EYS: variants seen among roughly 807,000 people sequenced by gnomAD.
EYS encodes the protein protein eyes shut homolog.
EYS carries 250 observed loss-of-function variants against 282.1 expected under a neutral mutation model. The ratio of observed to expected loss-of-function variants is 0.89; its 90% CI spans 0.80 to 0.98. EYS has a LOEUF of 0.98. Ranked by LOEUF, EYS falls within the 50% of genes least tolerant of loss-of-function variation. The probability of loss-of-function intolerance (pLI) is 0.00; values close to 1 mark genes in which losing one functional copy is unlikely to be tolerated. For synonymous variants in EYS, 1,355 were observed against 1,282.9 expected, an observed-to-expected ratio of 1.06 and a Z score of -1.20; for missense variants, 4,016 against 3,709.0, an observed-to-expected ratio of 1.08 and a Z score of -2.15.
At chr6:63,723,428 T>G (rs1351649722) in intron 42 of EYS, among the ~76,000 whole-genome samples, 3 of 152,202 alleles carry the variant, frequency 2.0e-5, no homozygotes, top group Non-Finnish European at 4.4e-5. Flanking sequence ...AGTTATCTTT[T>G]GCAAGATTAT....
chr6:64,506,860 G>A (rs1239327377), intron 26 of EYS, among the ~76,000 whole-genome samples: 1 of 141,708 alleles, frequency 7.1e-6, no homozygotes, highest in Non-Finnish European at 1.5e-5. Flanking sequence ...AGTGAGCTAA[G>A]ATCGCGCCGC....
intron 7 of EYS, among the ~76,000 whole-genome samples, chr6:65,401,411 T>C (rs1430806979): frequency 4.6e-5 from 7 of 151,292 alleles, no homozygotes; most frequent in Non-Finnish European, 5.9e-5. Flanking sequence ...TTTTTTTAAG[T>C]TGATCACTTT....
rs370179540 is a variant in EYS at position 64,208,636 on chromosome 6, T to C, written c.6424+21956A>G. Among the ~76,000 whole-genome samples the C allele has an allele frequency of 5.6e-4, 86 of 152,264 alleles. 2 individuals are homozygous for C. The East Asian group carries it at 0.011, about 20-fold the overall frequency. The stretch of plus-strand genomic sequence containing the variant: ...GTATAAAATGTAAATATTTTAGAAA[T>C]CCAAAATGAATGATTATGGTGTGTG... On this transcript the variant is annotated intron_variant, in intron 31 of 42. Transcript: ENST00000503581.
At chr6:65,478,916 C>T (rs1765501914) in intron 5 of EYS, among the ~76,000 whole-genome samples, 1 of 152,120 alleles carries the variant, frequency 6.6e-6, no homozygotes, top group South Asian at 2.1e-4. Context: ...CAGAAATCTG[C>T]ACAAAGTCCT....
chr6:64,381,661 C>G (rs941695137), intron 29 of EYS, among the ~76,000 whole-genome samples: 2 of 152,104 alleles, frequency 1.3e-5, no homozygotes, highest in African/African-American at 4.8e-5. Context: ...AGTACCATGT[C>G]TCCTTATATA....
intron 11 of EYS, among the ~76,000 whole-genome samples, chr6:65,306,402 A>T (rs1470818861): frequency 3.3e-5 from 5 of 152,202 alleles, no homozygotes; most frequent in Non-Finnish European, 5.9e-5. Flanking sequence ...ATCCATCTTC[A>T]GCTGACTGAA....
intron 31 of EYS, among the ~76,000 whole-genome samples, chr6:64,168,296 T>A (rs1340719153): frequency 6.7e-6 from 1 of 149,330 alleles, no homozygotes; most frequent in East Asian, 1.9e-4. Context: ...AGCCAGATAA[T>A]AACAAATGGG....
intron 2 of EYS, among the ~76,000 whole-genome samples, chr6:65,538,820 A>T (rs916949757): frequency 6.6e-6 from 1 of 152,170 alleles, no homozygotes; most frequent in African/African-American, 2.4e-5. Context: ...GCATCCTGCT[A>T]AGTCTCTGAC....
At chr6:65,144,846 C>G (rs747752318) in intron 12 of EYS, among the ~76,000 whole-genome samples, 1 of 151,574 alleles carries the variant, frequency 6.6e-6, no homozygotes, top group Non-Finnish European at 1.5e-5. Context: ...CTCACTGCAA[C>G]CTCCGCCTCC....
intron 29 of EYS, among the ~76,000 whole-genome samples, chr6:64,312,542 T>C (rs1043609487): frequency 3.3e-5 from 5 of 152,150 alleles, no homozygotes; most frequent in African/African-American, 1.2e-4. Flanking sequence ...AAGGGACAGA[T>C]TGCCTCCTCA....
At chr6:64,933,246 A>G (rs1377092268) in intron 15 of EYS, among the ~76,000 whole-genome samples, 2 of 152,084 alleles carry the variant, frequency 1.3e-5, no homozygotes, top group Non-Finnish European at 2.9e-5. Flanking sequence ...AACAAATAGA[A>G]TTTCCAGAGT....
chr6:64,347,211 A>G (rs1235610737), intron 29 of EYS, among the ~76,000 whole-genome samples: 2 of 151,464 alleles, frequency 1.3e-5, no homozygotes, highest in East Asian at 3.9e-4. Flanking sequence ...TAATTACAAT[A>G]TATCTACCTG....
At chr6:64,884,258 T>C (rs1291151558) in intron 19 of EYS, among the ~76,000 whole-genome samples, 1 of 151,594 alleles carries the variant, frequency 6.6e-6, no homozygotes, top group Non-Finnish European at 1.5e-5. Context: ...ACACATTTAA[T>C]ATTGTATTTA....
At chr6:63,748,165 C>G (rs938417123) in intron 41 of EYS, among the ~76,000 whole-genome samples, 6 of 152,130 alleles carry the variant, frequency 3.9e-5, no homozygotes, top group Non-Finnish European at 8.8e-5. Context: ...AATCTCTCAG[C>G]ATGATACTGG....
intron 42 of EYS, among the ~76,000 whole-genome samples, chr6:63,723,436 T>A (rs1187127164): frequency 6.6e-6 from 1 of 152,176 alleles, no homozygotes; most frequent in Non-Finnish European, 1.5e-5. Context: ...TTTGCAAGAT[T>A]ATGGAGGAAG....
At chr6:65,039,074 T>C (rs1339091982) in intron 13 of EYS, among the ~76,000 whole-genome samples, 1 of 151,488 alleles carries the variant, frequency 6.6e-6, no homozygotes, top group Non-Finnish European at 1.5e-5. Context: ...TTATTTTACA[T>C]GTTCTAATAC....
intron 35 of EYS, among the ~76,000 whole-genome samples, chr6:63,976,997 A>G (rs982049234): frequency 6.6e-6 from 1 of 151,788 alleles, no homozygotes; most frequent in Admixed American, 6.6e-5. Flanking sequence ...TCTCTTTTTA[A>G]TTGTACTACA....
intron 2 of EYS, among the ~76,000 whole-genome samples, chr6:65,582,671 A>G (rs1764911920): frequency 6.6e-6 from 1 of 152,102 alleles, no homozygotes; most frequent in Non-Finnish European, 1.5e-5. Context: ...ACACACCATC[A>G]TGATTCTACA....
chr6:64,937,716 G>C (rs1256383713), intron 15 of EYS, among the ~76,000 whole-genome samples: 1 of 151,630 alleles, frequency 6.6e-6, no homozygotes, highest in Non-Finnish European at 1.5e-5. Flanking sequence ...CTTTGGAAAA[G>C]AGTTTGGAAG....
Sources: allele counts gnomAD v4.1 joint callset (sites outside exome capture counted in the v4.1 genomes callset), GRCh38; gene constraint gnomAD v4.1.1; transcripts MANE v1.5; gene names NCBI Gene and HGNC (gene_info 2026-07-23, HGNC 2026-07-21).